The following SLC9B2 variants were observed in gnomAD, a reference collection of about 807,000 sequenced individuals.
SLC9B2 encodes sodium/hydrogen exchanger 9B2.
SLC9B2 carries 39 observed loss-of-function variants against 52.2 expected under a neutral mutation model. The ratio of observed to expected loss-of-function variants is 0.75; its 90% CI spans 0.58 to 0.98. The LOEUF is 0.98. SLC9B2 is among the 50% of genes least tolerant of loss of function. SLC9B2 has a pLI of 0.00. For missense variants in SLC9B2, 626 were observed against 637.5 expected (o/e 0.98, Z 0.19); for synonymous variants, 214 against 227.0 (o/e 0.94, Z 0.51).
intron 1 of SLC9B2, among the ~76,000 whole-genome samples, chr4:103,070,145 C>A (rs1194196772): frequency 6.6e-6 from 1 of 152,160 alleles, no homozygotes; most frequent in Admixed American, 6.5e-5. Context: ...TACAACTAGT[C>A]AGCTGTATTT....
intron 2 of SLC9B2, 88 bp downstream of exon 2, chr4:103,067,373 T>C: frequency 1.6e-6 from 2 of 1,230,532 alleles, no homozygotes; most frequent in Middle Eastern, 1.9e-4. Flanking sequence ...CACACCTGCC[T>C]TGGATTGTGT....
intron 1 of SLC9B2, among the ~76,000 whole-genome samples, chr4:103,075,392 T>C (rs948678773): frequency 2.6e-5 from 4 of 152,182 alleles, no homozygotes; most frequent in African/African-American, 9.6e-5. Flanking sequence ...TCAGGTGATA[T>C]GCCCACCTCG....
intron 1 of SLC9B2, 31 bp from the exon 2 acceptor site, chr4:103,067,623 T>C (rs778440066): frequency 2.5e-6 from 3 of 1,209,472 alleles, no homozygotes; most frequent in Non-Finnish European, 3.6e-6. Context: ...TATAGAGCAG[T>C]AATTTGAAAG....
intron 11 of SLC9B2, among the ~76,000 whole-genome samples, chr4:103,027,682 C>A (rs1742345632): frequency 1.3e-5 from 2 of 152,190 alleles, no homozygotes; most frequent in South Asian, 4.1e-4. Context: ...CTCACAAAAA[C>A]ATGAATGACC....
chr4:103,037,134 G>C (rs773338834), intron 9 of SLC9B2, among the ~76,000 whole-genome samples: 1 of 152,162 alleles, frequency 6.6e-6, no homozygotes, highest in African/African-American at 2.4e-5. Flanking sequence ...CCTGTGATGG[G>C]ATGGCATCCT....
intron 7 of SLC9B2, 58 bp downstream of exon 7, chr4:103,046,993 T>G (rs1256641113): frequency 6.4e-7 from 1 of 1,561,342 alleles, no homozygotes; most frequent in African/African-American, 1.4e-5. Context: ...GCTTATAACA[T>G]TTTAACCTAC....
intron 4 of SLC9B2, among the ~76,000 whole-genome samples, chr4:103,057,153 A>C (rs946622715): frequency 6.6e-6 from 1 of 151,742 alleles, no homozygotes; most frequent in African/African-American, 2.4e-5. Context: ...CCATAATCTC[A>C]AGAGCATAGG....
Position 103,061,600 on chromosome 4 carries a change from G to A in SLC9B2, c.272-3629C>T, listed in dbSNP as rs192083112. Among the ~76,000 whole-genome samples the A allele has an allele frequency of 2.2e-3, 334 of 152,146 alleles. 1 individual carries two copies. The highest frequency in any genetic ancestry group is 7.5e-3 in the African/African-American group (312 of 41,492). Reference sequence around the variant, plus strand: ...GGTGCTGCACACCAACATGGCACATGTATACATATGTATCAAACCTGGACG... The same window carrying A: ...GGTGCTGCACACCAACATGGCACATATATACATATGTATCAAACCTGGACG... On this transcript the variant is annotated intron_variant, in intron 3 of 11. Coordinates refer to ENST00000394785, the MANE Select transcript of SLC9B2 (RefSeq NM_178833.7).
Position 103,057,439 on chromosome 4 carries a change from G to C in SLC9B2, c.442+362C>G, listed in dbSNP as rs577427081. 1.2e-4 allele frequency among the ~76,000 whole-genome samples: 18 copies of C among 151,958 alleles called. No homozygotes were observed. In the East Asian group the frequency reaches 3.1e-3, roughly 26 times the overall value. On this transcript the variant is annotated intron_variant, in intron 4 of 11. Coordinates refer to ENST00000394785, the MANE Select transcript of SLC9B2 (RefSeq NM_178833.7). ...CCACCTCAGCCTCCTGAGTAGCTGG[G>C]ACTACAGGTGCACGTCACCATGCCC...
rs2276976 is a variant in SLC9B2, at chr4:103,043,372, A to C, written c.1070T>G (p.Phe357Cys). Residue 357 changes from phenylalanine (F) to cysteine (C), a missense_variant, in exon 9 of 12, where the codon TTT (phenylalanine) becomes TGT (cysteine). By Grantham distance (205) the Phe-to-Cys change is radical. Coordinates refer to ENST00000394785, the MANE Select transcript of SLC9B2 (RefSeq NM_178833.7). ...SVLAVFSSVHFGFPGSGGLCT... is the reference protein window; with the variant it reads ...SVLAVFSSVHCGFPGSGGLCT... Reference sequence around the variant, plus strand: ...CAGTCCTCCTGATCCAGGGAAACCAAAATGCACACTGCTGAACACAGCTAG... The same window carrying C: ...CAGTCCTCCTGATCCAGGGAAACCACAATGCACACTGCTGAACACAGCTAG... 199,407 of 1,613,374 alleles carry C rather than the reference A, an allele frequency of 0.12. 13,237 individuals are homozygous for C. Among genetic ancestry groups the C allele is most frequent in the South Asian group, 0.21 (19,356 of 90,964 alleles).
intron 7 of SLC9B2, 79 bp from the exon 8 acceptor site, chr4:103,045,075 G>T: frequency 1.1e-6 from 1 of 892,096 alleles, no homozygotes; most frequent in Admixed American, 2.2e-5. Flanking sequence ...TCAACATGAA[G>T]CATCTAATTA....
intron 1 of SLC9B2, among the ~76,000 whole-genome samples, chr4:103,072,056 G>GTTTTTTTTTGTTTTTTTT (rs1746690083): frequency 6.3e-5 from 6 of 95,306 alleles, no homozygotes; most frequent in Non-Finnish European, 7.7e-5. Context: ...TGGCTTTCAT[G>GTTTTTTTTTGTTTTTTTT]TTTTTTTTTT....
chr4:103,041,822 C>T (rs954349305), intron 9 of SLC9B2, among the ~76,000 whole-genome samples: 5 of 151,992 alleles, frequency 3.3e-5, no homozygotes, highest in South Asian at 2.1e-4. Context: ...CTTAAATCTC[C>T]GTGCCATTTT....
chr4:103,049,284 G>A (rs1052803376), intron 5 of SLC9B2, among the ~76,000 whole-genome samples: 4 of 152,122 alleles, frequency 2.6e-5, no homozygotes, highest in Admixed American at 2.0e-4. Flanking sequence ...CAGGCTAAAG[G>A]CATTTGCCCA....
chr4:103,043,591 ACTTTCT>A (rs1743836629), intron 8 of SLC9B2, 146 bp from the exon 9 acceptor site: 4 of 702,098 alleles, frequency 5.7e-6, no homozygotes, highest in Admixed American at 3.3e-5. Context: ...CATAACATTT[ACTTTCT>A]CTTCTTAAAC....
intron 7 of SLC9B2, among the ~76,000 whole-genome samples, chr4:103,046,811 A>C (rs1433382185): frequency 1.3e-5 from 2 of 151,912 alleles, no homozygotes; most frequent in African/African-American, 4.8e-5. Context: ...AAATCTTTCT[A>C]CCTTCTACCG....
downstream of SLC9B2, chr4:103,020,382 C>A (rs756598290): frequency 4.6e-6 from 2 of 432,246 alleles, no homozygotes; most frequent in Non-Finnish European, 9.1e-6. Context: ...TAATAGAATC[C>A]GCGCTTCCTA....
At chr4:103,046,377 C>G (rs533239639) in intron 7 of SLC9B2, among the ~76,000 whole-genome samples, 32 of 152,308 alleles carry the variant, frequency 2.1e-4, no homozygotes, top group African/African-American at 7.7e-4. Flanking sequence ...TGGCTAAGAT[C>G]AAGCGTACTA....
In SLC9B2 at chr4:103,025,768, A is replaced by C. The variant is rs1173152733; in HGVS notation, c.*602T>G. 6.6e-6 allele frequency: 1 copy of C among 152,244 alleles called. No homozygotes were observed. Among genetic ancestry groups the C allele is most frequent in the Non-Finnish European group, 1.5e-5 (1 of 68,104 alleles). The allele number at this position is 152,244 out of a possible 1,614,324, so 9.4% of individuals were successfully genotyped here. The stretch of plus-strand genomic sequence containing the variant: ...AGGGGGCAGGATAAAGTTTTTTGAC[A>C]TCTGGAGGGGGCAAGAGGATGAACC... On this transcript the variant is annotated 3_prime_UTR_variant, in exon 12 of 12. Coordinates refer to ENST00000394785, the MANE Select transcript of SLC9B2 (RefSeq NM_178833.7).
Sources: allele counts gnomAD v4.1 joint callset (sites outside exome capture counted in the v4.1 genomes callset), GRCh38; gene constraint gnomAD v4.1.1; transcripts MANE v1.5; gene names NCBI Gene and HGNC (gene_info 2026-07-23, HGNC 2026-07-21).